ZMAT4: variants seen among roughly 807,000 people sequenced by gnomAD.
ZMAT4 encodes zinc finger matrin-type 4, also known as zinc finger matrin-type protein 4.
Under a neutral mutation model 28.7 loss-of-function variants are expected in ZMAT4, and 17 were observed. The ratio of observed to expected loss-of-function variants is 0.59; its 90% CI spans 0.41 to 0.89. The LOEUF is 0.89. ZMAT4 is among the 40% of genes least tolerant of loss of function. The pLI, the probability that ZMAT4 is intolerant of heterozygous loss-of-function variation, is 0.00. For missense variants in ZMAT4, 240 were observed against 283.8 expected, an observed-to-expected ratio of 0.85 and a Z score of 1.11; for synonymous variants, 117 against 109.2, an observed-to-expected ratio of 1.07 and a Z score of -0.44.
intron 5 of ZMAT4, among the ~76,000 whole-genome samples, chr8:40,595,768 T>C (rs956416599): frequency 3.9e-5 from 6 of 151,954 alleles, no homozygotes; most frequent in African/African-American, 1.5e-4. Flanking sequence ...GTGGTAAGTA[T>C]TTATGTAAAA....
chr8:40,629,964 TC>T (rs1806515245), intron 5 of ZMAT4, among the ~76,000 whole-genome samples: 1 of 152,138 alleles, frequency 6.6e-6, no homozygotes, highest in Admixed American at 6.6e-5. Flanking sequence ...TAGTTGTAGA[TC>T]CCTGAGGAAT....
intron 5 of ZMAT4, among the ~76,000 whole-genome samples, chr8:40,641,891 A>C (rs1450391196): frequency 6.6e-6 from 1 of 152,096 alleles, no homozygotes. Flanking sequence ...GGGATCATGA[A>C]CAAGCAGCCT....
At chr8:40,812,687 T>C (rs894306801) in intron 2 of ZMAT4, among the ~76,000 whole-genome samples, 1 of 152,112 alleles carries the variant, frequency 6.6e-6, no homozygotes, top group African/African-American at 2.4e-5. Flanking sequence ...TCCCAGCACT[T>C]TGGGAGGCCG....
intron 5 of ZMAT4, among the ~76,000 whole-genome samples, chr8:40,648,351 A>C (rs1807451186): frequency 6.7e-6 from 1 of 149,220 alleles, no homozygotes; most frequent in South Asian, 2.2e-4. Context: ...GAATGAAATG[A>C]AGCGAGAAGG....
intron 5 of ZMAT4, among the ~76,000 whole-genome samples, chr8:40,622,922 C>G (rs2014317): frequency 0.97 from 147,244 of 152,284 alleles, 71,385 homozygotes; most frequent in East Asian, 1. Context: ...TTTGGAGGGA[C>G]AAATATCCAA....
At chr8:40,676,826 G>A (rs1808930920) in intron 4 of ZMAT4, among the ~76,000 whole-genome samples, 1 of 152,092 alleles carries the variant, frequency 6.6e-6, no homozygotes, top group Non-Finnish European at 1.5e-5. Flanking sequence ...TCACCATGTA[G>A]AAATAAAGCT....
chr8:40,857,560 A>G (rs1183141236), intron 1 of ZMAT4, among the ~76,000 whole-genome samples: 4 of 152,238 alleles, frequency 2.6e-5, no homozygotes, highest in Admixed American at 2.0e-4. Context: ...TTGAACTCTC[A>G]TGCACTGTAG....
chr8:40,601,618 G>T (rs1352524170), intron 5 of ZMAT4, among the ~76,000 whole-genome samples: 1 of 26,828 alleles, frequency 3.7e-5, no homozygotes, highest in Non-Finnish European at 1.1e-4. Flanking sequence ...AAGAAAGAAA[G>T]AAAGAAAGAA....
chr8:40,617,905 T>C (rs1180257705), intron 5 of ZMAT4, among the ~76,000 whole-genome samples: 1 of 152,210 alleles, frequency 6.6e-6, no homozygotes, highest in Non-Finnish European at 1.5e-5. Context: ...AATGAAAAAT[T>C]TCCTCCCACA....
At chr8:40,543,830 A>T (rs1803115361) in intron 6 of ZMAT4, among the ~76,000 whole-genome samples, 1 of 152,242 alleles carries the variant, frequency 6.6e-6, no homozygotes, top group African/African-American at 2.4e-5. Context: ...GATAAGGTAG[A>T]GGGAACAACA....
At chr8:40,697,422 G>T (rs751032348) in intron 3 of ZMAT4, 21 bp from the exon 4 acceptor site, 1 of 1,524,652 alleles carries the variant, frequency 6.6e-7, no homozygotes. Context: ...AGAAAGAAAG[G>T]CCACGTGTGA....
At chr8:40,817,304 G>A (rs1413783568) in intron 2 of ZMAT4, among the ~76,000 whole-genome samples, 11 of 152,152 alleles carry the variant, frequency 7.2e-5, no homozygotes, top group Non-Finnish European at 1.2e-4. Context: ...ATCAGTCTCA[G>A]GAAGGAAGTA....
At chr8:40,756,181 C>G (rs1387056055) in intron 3 of ZMAT4, among the ~76,000 whole-genome samples, 1 of 151,988 alleles carries the variant, frequency 6.6e-6, no homozygotes, top group Non-Finnish European at 1.5e-5. Context: ...CTCTGGCATA[C>G]AGAGCAGACT....
At chr8:40,711,020 G>T (rs184008930) in intron 3 of ZMAT4, among the ~76,000 whole-genome samples, 1 of 152,024 alleles carries the variant, frequency 6.6e-6, no homozygotes, top group Non-Finnish European at 1.5e-5. Flanking sequence ...TCTTGACCTC[G>T]TGATCCACCC....
chr8:40,755,395 G>A (rs1362022332), intron 3 of ZMAT4, among the ~76,000 whole-genome samples: 2 of 152,178 alleles, frequency 1.3e-5, no homozygotes, highest in Non-Finnish European at 2.9e-5. Flanking sequence ...AACATGTAAA[G>A]GGATGTGTGT....
At chr8:40,690,885 A>G in intron 4 of ZMAT4, 1 of 984,592 alleles carries the variant, frequency 1.0e-6, no homozygotes, top group Non-Finnish European at 1.2e-6. Context: ...ACACACTTAC[A>G]ATACATGCAA....
intron 5 of ZMAT4, among the ~76,000 whole-genome samples, chr8:40,599,583 A>T (rs1399288444): frequency 6.6e-6 from 1 of 152,208 alleles, no homozygotes; most frequent in African/African-American, 2.4e-5. Flanking sequence ...GGAACACATT[A>T]CCTGATGAAA....
At chr8:40,794,032 T>C (rs1438068469) in intron 2 of ZMAT4, among the ~76,000 whole-genome samples, 1 of 152,216 alleles carries the variant, frequency 6.6e-6, no homozygotes, top group African/African-American at 2.4e-5. Flanking sequence ...CAAAGAGAAT[T>C]TCCCTTGCAA....
intron 2 of ZMAT4, among the ~76,000 whole-genome samples, chr8:40,779,043 T>C (rs1813717697): frequency 6.6e-6 from 1 of 152,190 alleles, no homozygotes; most frequent in Non-Finnish European, 1.5e-5. Context: ...AAATTTCATC[T>C]TGAATTGTGG....
Sources: allele counts gnomAD v4.1 joint callset (sites outside exome capture counted in the v4.1 genomes callset), GRCh38; gene constraint gnomAD v4.1.1; transcripts MANE v1.5; gene names NCBI Gene and HGNC (gene_info 2026-07-23, HGNC 2026-07-21).